PCDH15: variants seen among roughly 807,000 people sequenced by gnomAD.
The protein encoded by PCDH15 is protocadherin-15.
In PCDH15, 129 loss-of-function variants were observed where a neutral mutation model predicts 178.5. The observed-to-expected ratio is 0.72, with a 90% CI of 0.63 to 0.84. The LOEUF is 0.84. Ranked by LOEUF, PCDH15 falls within the 40% of genes least tolerant of loss-of-function variation. The pLI is 0.00. For synonymous variants in PCDH15, 800 were observed against 732.0 expected (o/e 1.09, Z -1.50); for missense variants, 2,230 against 2,099.9 (o/e 1.06, Z -1.21).
chr10:54,938,515 T>G (rs1837965844), intron 2 of PCDH15, among the ~76,000 whole-genome samples: 1 of 152,148 alleles, frequency 6.6e-6, no homozygotes, highest in South Asian at 2.1e-4. Context: ...AATTTTTTCT[T>G]AAATATTTGT....
rs148070688 is a variant in PCDH15 at position 54,841,627 on chromosome 10, G to C, written c.-29+55823C>G. ...TTGTTAAATATATTTCAATAAAGCT[G>C]GTAAAAATGCATAAAAGTTTTAAAA... On this transcript the variant is annotated intron_variant, in intron 3 of 5. Coordinates refer to the PCDH15 transcript ENST00000458638. Among the ~76,000 whole-genome samples the C allele has an allele frequency of 5.9e-5, 9 of 151,408 alleles. No homozygotes were observed. The East Asian group carries it at 1.7e-3, about 29-fold the overall frequency.
intron 2 of PCDH15, among the ~76,000 whole-genome samples, chr10:55,083,804 T>C (rs1166751617): frequency 6.6e-6 from 1 of 151,650 alleles, no homozygotes; most frequent in Non-Finnish European, 1.5e-5. Context: ...CTCAAGAAAG[T>C]AATCCCATTT....
intron 2 of PCDH15, among the ~76,000 whole-genome samples, chr10:55,000,556 C>G (rs1157153843): frequency 1.3e-5 from 2 of 152,126 alleles, no homozygotes; most frequent in Admixed American, 6.5e-5. Flanking sequence ...TCCTCCTCAG[C>G]TTATGAAAAT....
Position 54,066,822 on chromosome 10 carries a change from G to T in PCDH15, c.2155C>A (p.Pro719Thr). 6.2e-7 allele frequency: 1 copy of T among 1,613,348 alleles called. No homozygotes were observed. The highest frequency in any genetic ancestry group is 1.7e-4 in the Middle Eastern group (1 of 6,056). Residue 719 changes from proline (P) to threonine (T), a missense_variant, in exon 18 of 38, where the codon CCT (proline) becomes ACT (threonine). Coordinates refer to ENST00000644397, the MANE Select transcript of PCDH15 (RefSeq NM_001384140.1). The stretch of plus-strand genomic sequence containing the variant: ...ACAGATAAATTTCTTGGCAGATAAG[G>T]ATCAAACACTGGAGCATTGTCATTG... Reference protein sequence around the residue: ...DVNDNAPVFDPYLPRNLSVVE... With the variant: ...DVNDNAPVFDTYLPRNLSVVE...
chr10:54,962,639 C>A (rs1481097245), intron 2 of PCDH15, among the ~76,000 whole-genome samples: 1 of 152,204 alleles, frequency 6.6e-6, no homozygotes, highest in African/African-American at 2.4e-5. Flanking sequence ...GCCATGGCCT[C>A]ACACAGAACT....
At chr10:53,834,267 AACAC>A (rs888528755) in intron 29 of PCDH15, among the ~76,000 whole-genome samples, 1 of 152,168 alleles carries the variant, frequency 6.6e-6, no homozygotes, top group African/African-American at 2.4e-5. Flanking sequence ...AGCCATGTAA[AACAC>A]ACACACCATT....
intron 1 of PCDH15, among the ~76,000 whole-genome samples, chr10:54,724,442 G>A (rs568405646): frequency 1.3e-5 from 2 of 151,484 alleles, no homozygotes; most frequent in East Asian, 3.9e-4. Context: ...TCACTATTTG[G>A]CTAATGGATA....
intron 1 of PCDH15, among the ~76,000 whole-genome samples, chr10:55,234,815 TG>T (rs1316121499): frequency 2.6e-5 from 4 of 152,190 alleles, no homozygotes; most frequent in Non-Finnish European, 5.9e-5. Flanking sequence ...ATTATTACAA[TG>T]AGAGTGGTAA....
intron 3 of PCDH15, among the ~76,000 whole-genome samples, chr10:54,519,240 G>T (rs1020836472): frequency 6.6e-6 from 1 of 152,086 alleles, no homozygotes; most frequent in African/African-American, 2.4e-5. Context: ...GAAAACAAAG[G>T]GTATTCAATT....
At position 53,820,182 on chromosome 10, in the gene PCDH15, A is replaced by C. The variant is rs1231593452; in HGVS notation, c.4416T>G (p.Ile1472Met). Residue 1472 changes from isoleucine (I) to methionine (M), a missense_variant, in exon 33 of 38, where the codon ATT becomes ATG. Transcript: ENST00000644397. ...GTGAATACCTTGTCAGAGTCCGCCA[A>C]ATAGCACAAGTTCTCATGCATATGA... ...QLVICMRTCAIWRTLTRRGYG... is the reference protein window; with the variant it reads ...QLVICMRTCAMWRTLTRRGYG... The C allele has an allele frequency of 2.5e-6, 1 of 397,842 alleles. No individual in the cohort carries two copies. Among genetic ancestry groups the C allele is most frequent in the Non-Finnish European group, 4.4e-6 (1 of 225,496 alleles). The allele number at this position is 397,842 out of a possible 1,614,324, so 24.6% of individuals were successfully genotyped here.
intron 3 of PCDH15, among the ~76,000 whole-genome samples, chr10:54,417,031 A>T (rs1213069160): frequency 6.6e-6 from 1 of 152,038 alleles, no homozygotes; most frequent in Non-Finnish European, 1.5e-5. Flanking sequence ...CCTTTGGCAG[A>T]TGGGAGACTG....
chr10:55,181,840 A>C (rs1839656964), intron 1 of PCDH15, among the ~76,000 whole-genome samples: 1 of 152,018 alleles, frequency 6.6e-6, no homozygotes, highest in Admixed American at 6.6e-5. Context: ...GAGGTATTTA[A>C]GTAGGATTTT....
intron 13 of PCDH15, among the ~76,000 whole-genome samples, chr10:54,162,192 C>A (rs1465638540): frequency 7.1e-6 from 1 of 140,942 alleles, no homozygotes; most frequent in Non-Finnish European, 1.5e-5. Flanking sequence ...TTCCTTCTTC[C>A]TGCCTTCTTA....
intron 28 of PCDH15, among the ~76,000 whole-genome samples, chr10:53,852,182 A>G (rs188377774): frequency 9.9e-5 from 15 of 152,196 alleles, no homozygotes; most frequent in Admixed American, 3.3e-4. Flanking sequence ...CAAACATTTC[A>G]TAGTTTCTTC....
intron 20 of PCDH15, among the ~76,000 whole-genome samples, chr10:54,011,964 A>T (rs1589902213): frequency 6.6e-6 from 1 of 152,318 alleles, no homozygotes; most frequent in East Asian, 1.9e-4. Flanking sequence ...AAGAAATAGA[A>T]TTCAGAATAT....
intron 2 of PCDH15, among the ~76,000 whole-genome samples, chr10:54,604,540 GAC>G (rs2092669564): frequency 1.3e-5 from 2 of 151,884 alleles, no homozygotes; most frequent in Non-Finnish European, 2.9e-5. Context: ...TGCCCCTGGA[GAC>G]AGTTTTTGAC....
intron 3 of PCDH15, 53 bp downstream of exon 3, chr10:54,527,759 T>G: frequency 6.9e-7 from 1 of 1,454,522 alleles, no homozygotes; most frequent in Non-Finnish European, 9.6e-7. Context: ...AGAATTAAAA[T>G]CTGAAGAAAA....
At chr10:55,564,586 A>G (rs1291482092) in intron 2 of PCDH15, among the ~76,000 whole-genome samples, 1 of 151,708 alleles carries the variant, frequency 6.6e-6, no homozygotes, top group Non-Finnish European at 1.5e-5. Flanking sequence ...GATTATGGCC[A>G]TGATCCAACT....
intron 21 of PCDH15, among the ~76,000 whole-genome samples, chr10:53,967,822 T>C (rs1035845263): frequency 6.6e-6 from 1 of 152,230 alleles, no homozygotes; most frequent in Non-Finnish European, 1.5e-5. Context: ...TAGCTGTATA[T>C]ATGTCAAGAG....
Sources: gnomAD v4.1 joint callset for allele counts (sites outside exome capture counted in the v4.1 genomes callset) on GRCh38, gnomAD v4.1.1 for gene constraint, MANE v1.5 for transcripts, NCBI Gene and HGNC (gene_info 2026-07-23, HGNC 2026-07-21) for gene names.